Variants in CTNNBIP1 observed in about 807,000 individuals in gnomAD.
CTNNBIP1 encodes catenin beta interacting protein 1, also known as beta-catenin-interacting protein 1.
Under a neutral mutation model 11.8 loss-of-function variants are expected in CTNNBIP1, and 7 were observed. That is an observed-to-expected ratio of 0.60 (90% CI 0.34 to 1.12). The LOEUF (loss-of-function observed/expected upper bound fraction) is 1.12. CTNNBIP1 is among the 50% of genes most tolerant of loss of function. CTNNBIP1 has a pLI of 0.03. For synonymous variants in CTNNBIP1, 58 were observed against 43.9 expected, an observed-to-expected ratio of 1.32 and a Z score of -1.26; for missense variants, 101 against 113.4, an observed-to-expected ratio of 0.89 and a Z score of 0.50.
chr1:9,856,361 T>A (rs898000845), intron 5 of CTNNBIP1, among the ~76,000 whole-genome samples: 2 of 151,428 alleles, frequency 1.3e-5, no homozygotes, highest in East Asian at 1.9e-4. Context: ...CAGAAAAAAA[T>A]AAATAAATAA....
At chr1:9,881,067 G>T (rs982141059) in intron 2 of CTNNBIP1, among the ~76,000 whole-genome samples, 1 of 151,994 alleles carries the variant, frequency 6.6e-6, no homozygotes, top group African/African-American at 2.4e-5. Context: ...AGAGGGTCTT[G>T]CTCTGTTGCT....
intron 2 of CTNNBIP1, among the ~76,000 whole-genome samples, chr1:9,880,032 G>C (rs147538051): frequency 1.3e-5 from 2 of 152,100 alleles, no homozygotes; most frequent in East Asian, 3.8e-4. Context: ...AGGTATGTAC[G>C]CATGTGCCAT....
At chr1:9,878,931 C>CAAAA (rs1639026203) in intron 2 of CTNNBIP1, among the ~76,000 whole-genome samples, 1 of 152,196 alleles carries the variant, frequency 6.6e-6, no homozygotes, top group South Asian at 2.1e-4. Flanking sequence ...GGCGCGGTGG[C>CAAAA]TCACACCTGT....
intron 1 of CTNNBIP1, among the ~76,000 whole-genome samples, chr1:9,886,824 A>C (rs1004136717): frequency 1.3e-5 from 2 of 152,164 alleles, no homozygotes; most frequent in African/African-American, 4.8e-5. Context: ...GACATCAAAA[A>C]AGGGAGTGCC....
intron 1 of CTNNBIP1, among the ~76,000 whole-genome samples, chr1:9,898,275 T>TA (rs1235624905): frequency 6.6e-6 from 1 of 150,604 alleles, no homozygotes; most frequent in East Asian, 2.0e-4. Context: ...CCTGTAATCC[T>TA]AGCCCTTTGG....
intron 5 of CTNNBIP1, among the ~76,000 whole-genome samples, chr1:9,866,214 AG>A (rs1415410206): frequency 1.3e-5 from 2 of 152,206 alleles, no homozygotes; most frequent in African/African-American, 4.8e-5. Context: ...CCCAGGTTGC[AG>A]GGGGCAGGGG....
chr1:9,870,169 T>C (rs983445040), intron 5 of CTNNBIP1, among the ~76,000 whole-genome samples: 3 of 152,236 alleles, frequency 2.0e-5, no homozygotes, highest in African/African-American at 7.2e-5. Context: ...AGGCCCCGCA[T>C]GCCAGCCTCA....
intron 1 of CTNNBIP1, among the ~76,000 whole-genome samples, chr1:9,909,822 C>T (rs550209193): frequency 3.9e-5 from 6 of 152,114 alleles, no homozygotes; most frequent in African/African-American, 1.4e-4. Context: ...GGCACCCGGA[C>T]GCGGTGAGGT....
chr1:9,882,547 G>A (rs922244084), intron 2 of CTNNBIP1, among the ~76,000 whole-genome samples: 2 of 152,236 alleles, frequency 1.3e-5, no homozygotes, highest in African/African-American at 4.8e-5. Flanking sequence ...GACCACAGGG[G>A]CACTCAGTGG....
chr1:9,876,851 C>T lies in CTNNBIP1; in HGVS notation c.-25+1054G>A, dbSNP rs890487701. 2.5e-3 allele frequency among the ~76,000 whole-genome samples: 264 copies of T among 107,010 alleles called. 1 individual carries two copies. The highest frequency in any genetic ancestry group is 0.022 in the African/African-American group (247 of 11,138). The allele number at this position is 107,010 out of a possible 152,430, so 70.2% of individuals were successfully genotyped here. A position where few individuals can be genotyped will look rare whatever the true frequency, so the allele number is the denominator to read the frequency against. On this transcript the variant is annotated intron_variant, in intron 3 of 5. Coordinates refer to ENST00000377263, the MANE Select transcript of CTNNBIP1 (RefSeq NM_020248.3). ...GACACACTCCTGCTATACATACACA[C>T]ACACACACACACACACACACACACA...
chr1:9,904,783 G>C (rs1639586380), intron 1 of CTNNBIP1, among the ~76,000 whole-genome samples: 1 of 152,186 alleles, frequency 6.6e-6, no homozygotes, highest in South Asian at 2.1e-4. Flanking sequence ...AACTCACACA[G>C]AGAGGAGCAG....
intron 3 of CTNNBIP1, among the ~76,000 whole-genome samples, chr1:9,876,845 T>TACATACAC (rs1363392881): frequency 2.2e-5 from 3 of 138,102 alleles, no homozygotes; most frequent in African/African-American, 7.8e-5. Context: ...CTGCTATACA[T>TACATACAC]ACACACACAC....
At chr1:9,855,255 C>CTTTTT (rs35112494) in intron 5 of CTNNBIP1, among the ~76,000 whole-genome samples, 3 of 127,386 alleles carry the variant, frequency 2.4e-5, no homozygotes, top group African/African-American at 9.0e-5. Context: ...TAAAAATTGC[C>CTTTTT]TTTTTTTTTT....
At chr1:9,909,838 A>C (rs1310735944) in intron 1 of CTNNBIP1, among the ~76,000 whole-genome samples, 2 of 152,018 alleles carry the variant, frequency 1.3e-5, no homozygotes, top group Non-Finnish European at 2.9e-5. Context: ...GAGGTGAGCA[A>C]CAAGGTGGGC....
At chr1:9,875,746 C>T (rs1033829867) in intron 3 of CTNNBIP1, among the ~76,000 whole-genome samples, 13 of 152,212 alleles carry the variant, frequency 8.5e-5, no homozygotes, top group African/African-American at 3.1e-4. Context: ...AACAAGAGGG[C>T]ACACTCAGGG....
At chr1:9,854,112 C>T (rs576777112) in intron 5 of CTNNBIP1, among the ~76,000 whole-genome samples, 3 of 152,226 alleles carry the variant, frequency 2.0e-5, no homozygotes, top group African/African-American at 4.8e-5. Flanking sequence ...CAGTGGCTCA[C>T]GCCTGTAATC....
intron 1 of CTNNBIP1, among the ~76,000 whole-genome samples, chr1:9,908,541 A>C (rs1315574472): frequency 6.8e-6 from 1 of 147,952 alleles, no homozygotes; most frequent in Non-Finnish European, 1.5e-5. Context: ...CGCCCAGCTA[A>C]TTTTTTGTAT....
chr1:9,862,889 G>A (rs1027929174), intron 5 of CTNNBIP1, among the ~76,000 whole-genome samples: 2 of 152,218 alleles, frequency 1.3e-5, no homozygotes, highest in South Asian at 4.1e-4. Flanking sequence ...GAGTGGAACC[G>A]TCCAGCCATT....
chr1:9,854,408 G>C (rs1638460700), intron 5 of CTNNBIP1, among the ~76,000 whole-genome samples: 1 of 147,878 alleles, frequency 6.8e-6, no homozygotes, highest in African/African-American at 2.5e-5. Flanking sequence ...AACTAGAAGA[G>C]AACAACCTCT....
Sources: gnomAD v4.1 joint callset for allele counts (sites outside exome capture counted in the v4.1 genomes callset) on GRCh38, gnomAD v4.1.1 for gene constraint, MANE v1.5 for transcripts, NCBI Gene and HGNC (gene_info 2026-07-23, HGNC 2026-07-21) for gene names.